Variants in BICC1 observed in about 807,000 individuals in gnomAD.
The protein encoded by BICC1 is protein bicaudal C homolog 1.
Under a neutral mutation model 111.0 loss-of-function variants are expected in BICC1, and 43 were observed. The ratio of observed to expected loss-of-function variants is 0.39; its 90% CI spans 0.30 to 0.50. BICC1 has a LOEUF of 0.50. Ranked by LOEUF, BICC1 falls within the 20% of genes least tolerant of loss-of-function variation. The pLI, the probability that BICC1 is intolerant of heterozygous loss-of-function variation, is 0.88. For synonymous variants in BICC1, 467 were observed against 434.4 expected (o/e 1.07, Z -0.93); for missense variants, 1,091 against 1,203.2 (o/e 0.91, Z 1.38).
intron 1 of BICC1, among the ~76,000 whole-genome samples, chr10:58,616,745 A>G (rs1260643242): frequency 6.6e-6 from 1 of 152,244 alleles, no homozygotes; most frequent in Non-Finnish European, 1.5e-5. Context: ...GACTTGGCCA[A>G]TGCATTCTTT....
chr10:58,821,127 A>G (rs1443215612), intron 20 of BICC1, among the ~76,000 whole-genome samples: 1 of 152,158 alleles, frequency 6.6e-6, no homozygotes, highest in Admixed American at 6.6e-5. Context: ...GAGCCAGATG[A>G]TGAGTCAGGA....
chr10:58,828,136 C>T (rs1844453506), intron 20 of BICC1, among the ~76,000 whole-genome samples: 1 of 152,106 alleles, frequency 6.6e-6, no homozygotes, highest in African/African-American at 2.4e-5. Flanking sequence ...TTGGGGGAGT[C>T]AAAAGTTATA....
At chr10:58,627,294 A>G (rs1837662262) in intron 2 of BICC1, among the ~76,000 whole-genome samples, 1 of 152,256 alleles carries the variant, frequency 6.6e-6, no homozygotes, top group African/African-American at 2.4e-5. Flanking sequence ...AGGTCTTTTA[A>G]GAAGGGTCAC....
chr10:58,772,811 C>T (rs2132728486), intron 3 of BICC1, among the ~76,000 whole-genome samples: 1 of 151,902 alleles, frequency 6.6e-6, no homozygotes. Context: ...TTGAGGTTTT[C>T]GCAAAAAAGA....
intron 1 of BICC1, among the ~76,000 whole-genome samples, chr10:58,571,221 CTT>C (rs1416281941): frequency 1.3e-5 from 2 of 152,134 alleles, no homozygotes; most frequent in African/African-American, 2.4e-5. Flanking sequence ...TGGAAGAAAA[CTT>C]TGTTTTCCCT....
intron 3 of BICC1, among the ~76,000 whole-genome samples, chr10:58,753,717 T>C (rs1842056920): frequency 6.6e-6 from 1 of 151,946 alleles, no homozygotes; most frequent in South Asian, 2.1e-4. Flanking sequence ...GTCTCTTTTC[T>C]CTCTTTCTTT....
intron 1 of BICC1, among the ~76,000 whole-genome samples, chr10:58,531,532 A>G (rs1302785489): frequency 6.6e-6 from 1 of 151,878 alleles, no homozygotes; most frequent in African/African-American, 2.4e-5. Context: ...GCACACAAAC[A>G]GGGAAAATAT....
intron 1 of BICC1, among the ~76,000 whole-genome samples, chr10:58,522,929 T>C (rs1842431545): frequency 6.6e-6 from 1 of 152,108 alleles, no homozygotes; most frequent in Non-Finnish European, 1.5e-5. Context: ...TAAACACCTC[T>C]ATGCAAATAA....
intron 1 of BICC1, among the ~76,000 whole-genome samples, chr10:58,553,506 C>T (rs1843356908): frequency 1.3e-5 from 2 of 152,074 alleles, no homozygotes; most frequent in African/African-American, 4.8e-5. Context: ...GATTTTAACC[C>T]AGTGAAATCC....
chr10:58,656,443 T>A (rs3999632), intron 2 of BICC1, among the ~76,000 whole-genome samples: 147,701 of 148,844 alleles, frequency 0.99, 73,296 homozygotes, highest in Middle Eastern at 1. Context: ...TGATGCAAAA[T>A]TCCTCAATAA....
intron 20 of BICC1, among the ~76,000 whole-genome samples, chr10:58,822,286 T>A (rs1251915298): frequency 6.6e-6 from 1 of 152,016 alleles, no homozygotes; most frequent in Non-Finnish European, 1.5e-5. Flanking sequence ...CTAAGTTCAT[T>A]TTTTGGTGTC....
At chr10:58,626,628 G>A (rs1837636902) in intron 2 of BICC1, among the ~76,000 whole-genome samples, 1 of 152,146 alleles carries the variant, frequency 6.6e-6, no homozygotes, top group African/African-American at 2.4e-5. Context: ...CAGGAAGACT[G>A]GGTTTTGAGT....
At chr10:58,774,340 T>C (rs1013342019) in intron 3 of BICC1, among the ~76,000 whole-genome samples, 1 of 152,232 alleles carries the variant, frequency 6.6e-6, no homozygotes, top group Non-Finnish European at 1.5e-5. Flanking sequence ...ATTGCTAACA[T>C]TTAAAGTTCT....
chr10:58,688,934 C>T (rs917890051), intron 2 of BICC1, among the ~76,000 whole-genome samples: 9 of 152,040 alleles, frequency 5.9e-5, no homozygotes, highest in African/African-American at 9.7e-5. Context: ...ATGTAGATGT[C>T]GGGTTGATGG....
intron 2 of BICC1, among the ~76,000 whole-genome samples, chr10:58,692,850 ATTT>A (rs57748644): frequency 2.1e-5 from 3 of 141,470 alleles, no homozygotes; most frequent in African/African-American, 7.6e-5. Context: ...TTTTTTTTTG[ATTT>A]TTTTTTTAAA....
chr10:58,826,476 G>T (rs1844398655), intron 20 of BICC1, among the ~76,000 whole-genome samples: 1 of 149,698 alleles, frequency 6.7e-6, no homozygotes. Context: ...AGGAGGCCGG[G>T]TGCGGTGGCT....
At chr10:58,653,392 G>C (rs902358588) in intron 2 of BICC1, among the ~76,000 whole-genome samples, 3 of 152,046 alleles carry the variant, frequency 2.0e-5, no homozygotes, top group African/African-American at 7.2e-5. Flanking sequence ...CTGCTGATGG[G>C]ACAAATGCTT....
intron 3 of BICC1, among the ~76,000 whole-genome samples, chr10:58,783,885 G>C (rs1842942724): frequency 1.3e-5 from 2 of 152,148 alleles, no homozygotes; most frequent in African/African-American, 4.8e-5. Flanking sequence ...AGGCTGACCT[G>C]TAAAATAAGA....
At chr10:58,736,350 TTTTG>T (rs1161187822) in intron 3 of BICC1, among the ~76,000 whole-genome samples, 25 of 148,590 alleles carry the variant, frequency 1.7e-4, no homozygotes, top group Admixed American at 4.1e-4. Flanking sequence ...ACAAATTTTA[TTTTG>T]TTTATCAAAT....
Sources: gnomAD v4.1 joint callset for allele counts (sites outside exome capture counted in the v4.1 genomes callset) on GRCh38, gnomAD v4.1.1 for gene constraint, MANE v1.5 for transcripts, NCBI Gene and HGNC (gene_info 2026-07-23, HGNC 2026-07-21) for gene names.